ADAMTS18: variants seen among roughly 807,000 people sequenced by gnomAD.
ADAMTS18 encodes the protein ADAM metallopeptidase with thrombospondin type 1 motif 18.
ADAMTS18 carries 157 observed loss-of-function variants against 165.9 expected under a neutral mutation model. The ratio of observed to expected loss-of-function variants is 0.95; its 90% CI spans 0.83 to 1.08. The LOEUF is 1.08. ADAMTS18 is among the 50% of genes least tolerant of loss of function. The pLI, the probability that ADAMTS18 is intolerant of heterozygous loss-of-function variation, is 0.00. For synonymous variants in ADAMTS18, 782 were observed against 578.2 expected (o/e 1.35, Z -5.06); for missense variants, 2,040 against 1,534.0 (o/e 1.33, Z -5.51).
intron 4 of ADAMTS18, among the ~76,000 whole-genome samples, chr16:77,365,164 G>C (rs2056775383): frequency 1.8e-5 from 2 of 111,022 alleles, no homozygotes; most frequent in Admixed American, 2.1e-4. Flanking sequence ...GGGTGACAGA[G>C]TGAGATTTCA....
chr16:77,369,650 T>C (rs974774089), intron 3 of ADAMTS18, among the ~76,000 whole-genome samples: 12 of 152,230 alleles, frequency 7.9e-5, no homozygotes, highest in African/African-American at 2.7e-4. Context: ...GCTTCCCTGA[T>C]GATTTCTATC....
chr16:77,287,594 C>A (rs1195567172), intron 22 of ADAMTS18, among the ~76,000 whole-genome samples: 1 of 152,134 alleles, frequency 6.6e-6, no homozygotes, highest in African/African-American at 2.4e-5. Flanking sequence ...CCTCCCACCT[C>A]CCCAGTAGCT....
chr16:77,286,147 T>C (rs2055246436), intron 22 of ADAMTS18, among the ~76,000 whole-genome samples: 1 of 152,202 alleles, frequency 6.6e-6, no homozygotes, highest in Non-Finnish European at 1.5e-5. Context: ...ATTAGATTAG[T>C]ATATTCCTGC....
chr16:77,338,244 T>C (rs2056342066), intron 11 of ADAMTS18, among the ~76,000 whole-genome samples: 2 of 151,884 alleles, frequency 1.3e-5, no homozygotes, highest in Admixed American at 6.6e-5. Context: ...GTTGTTGTTG[T>C]TGTTGTTTTT....
rs2055161622 is a variant in ADAMTS18 at position 77,282,325 on chromosome 16, TTATA to T, written c.*1627_*1630del. On this transcript the variant is annotated 3_prime_UTR_variant, in exon 23 of 23. Transcript: ENST00000282849. ...TTTCCATAAAATAATAAAATGATAA[TTATA>T]TAAAGAAATAACTTGCTGTTTTTCA... The T allele has an allele frequency of 6.6e-6, 1 of 152,022 alleles. No homozygotes were observed. The highest frequency in any genetic ancestry group is 2.4e-5 in the African/African-American group (1 of 41,428). 9.4% of individuals were successfully genotyped at this position (152,022 alleles called of 1,614,324 possible). A position where few individuals can be genotyped will look rare whatever the true frequency, so the allele number is the denominator to read the frequency against.
At chr16:77,319,543 G>C (rs748606668) in intron 16 of ADAMTS18, among the ~76,000 whole-genome samples, 3 of 152,176 alleles carry the variant, frequency 2.0e-5, no homozygotes, top group Non-Finnish European at 2.9e-5. Flanking sequence ...CTAGGTTCAA[G>C]CAATTCTCCC....
chr16:77,290,990 A>G, intron 21 of ADAMTS18: 2 of 500,622 alleles, frequency 4.0e-6, no homozygotes, highest in Non-Finnish European at 7.3e-6. Flanking sequence ...TTAGCAGTGT[A>G]TAACTGGCCT....
At chr16:77,314,649 G>GTATA (rs200681259) in intron 16 of ADAMTS18, among the ~76,000 whole-genome samples, 6 of 126,494 alleles carry the variant, frequency 4.7e-5, no homozygotes, top group African/African-American at 1.9e-4. Flanking sequence ...GTGTGTGTGT[G>GTATA]TATATATATA....
intron 16 of ADAMTS18, among the ~76,000 whole-genome samples, chr16:77,314,649 G>GTGTGGTGTGTGTA (rs10527824): frequency 3.2e-5 from 4 of 126,476 alleles, no homozygotes; most frequent in Non-Finnish European, 6.5e-5. Flanking sequence ...GTGTGTGTGT[G>GTGTGGTGTGTGTA]TATATATATA....
At chr16:77,290,577 A>G (rs891644596) in intron 21 of ADAMTS18, 1 of 155,002 alleles carries the variant, frequency 6.5e-6, no homozygotes, top group Admixed American at 6.3e-5. Context: ...TGATACCTCT[A>G]CCCGGACTCT....
intron 10 of ADAMTS18, among the ~76,000 whole-genome samples, chr16:77,353,515 C>T (rs2056585211): frequency 6.6e-6 from 1 of 152,136 alleles, no homozygotes. Context: ...GAATTTTCTA[C>T]CAAGCAGTAT....
chr16:77,403,072 C>G (rs775412929), intron 3 of ADAMTS18, among the ~76,000 whole-genome samples: 1 of 152,174 alleles, frequency 6.6e-6, no homozygotes, highest in African/African-American at 2.4e-5. Flanking sequence ...AACATTTGTA[C>G]TTGTGTTAAT....
chr16:77,349,136 T>C (rs1423016577), intron 10 of ADAMTS18, among the ~76,000 whole-genome samples: 2 of 152,172 alleles, frequency 1.3e-5, no homozygotes, highest in Non-Finnish European at 2.9e-5. Context: ...TCTCCATTCA[T>C]TAATCCTGAT....
chr16:77,433,313 C>G (rs1294546146), intron 2 of ADAMTS18: 1 of 152,246 alleles, frequency 6.6e-6, no homozygotes, highest in Non-Finnish European at 1.5e-5. Context: ...TCCAGCCAGC[C>G]TTCTATGGAA....
At chr16:77,397,502 G>T (rs2057273741) in intron 3 of ADAMTS18, among the ~76,000 whole-genome samples, 1 of 152,166 alleles carries the variant, frequency 6.6e-6, no homozygotes, top group African/African-American at 2.4e-5. Flanking sequence ...AAGTTTAATG[G>T]TTTCTTCTTA....
At chr16:77,405,216 C>G (rs1240257176) in intron 3 of ADAMTS18, among the ~76,000 whole-genome samples, 1 of 152,156 alleles carries the variant, frequency 6.6e-6, no homozygotes, top group Non-Finnish European at 1.5e-5. Flanking sequence ...AAATTCATGT[C>G]CAGACAGGGA....
chr16:77,402,779 T>C (rs1333412293), intron 3 of ADAMTS18, among the ~76,000 whole-genome samples: 1 of 152,204 alleles, frequency 6.6e-6, no homozygotes, highest in Non-Finnish European at 1.5e-5. Flanking sequence ...GTCTCATCTT[T>C]ACAAAATTAT....
At chr16:77,289,515 G>T in intron 21 of ADAMTS18, 104 bp from the exon 22 acceptor site, 1 of 1,351,582 alleles carries the variant, frequency 7.4e-7, no homozygotes, top group Non-Finnish European at 1.0e-6. Context: ...GATGCCTGCT[G>T]ATGAAACAGA....
intron 3 of ADAMTS18, among the ~76,000 whole-genome samples, chr16:77,414,144 G>A (rs564396792): frequency 3.9e-5 from 6 of 152,248 alleles, no homozygotes; most frequent in South Asian, 4.1e-4. Context: ...ATATCAACCT[G>A]TCCACATCAG....
Sources: allele counts gnomAD v4.1 joint callset (sites outside exome capture counted in the v4.1 genomes callset), GRCh38; gene constraint gnomAD v4.1.1; transcripts MANE v1.5; gene names NCBI Gene and HGNC (gene_info 2026-07-23, HGNC 2026-07-21).